Variants in UBA6 observed in about 807,000 individuals in gnomAD.
UBA6 encodes ubiquitin-like modifier-activating enzyme 6.
UBA6 carries 87 observed loss-of-function variants against 148.3 expected under a neutral mutation model. That is an observed-to-expected ratio of 0.59 (90% CI 0.49 to 0.70). The LOEUF (loss-of-function observed/expected upper bound fraction) is 0.70. Ranked by LOEUF, UBA6 falls within the 30% of genes least tolerant of loss-of-function variation. The pLI is 0.00. For synonymous variants in UBA6, 376 were observed against 401.0 expected (o/e 0.94, Z 0.75); for missense variants, 1,186 against 1,241.2 (o/e 0.96, Z 0.67).
At chr4:67,630,796 GGAGT>G (rs756244604) in intron 25 of UBA6, among the ~76,000 whole-genome samples, 11 of 152,000 alleles carry the variant, frequency 7.2e-5, no homozygotes, top group Non-Finnish European at 1.5e-4. Context: ...CTTGGGAAGA[GGAGT>G]GAGTGGACAG....
intron 8 of UBA6, 119 bp downstream of exon 8, chr4:67,670,351 A>T: frequency 1.2e-6 from 1 of 804,844 alleles, no homozygotes; most frequent in Non-Finnish European, 2.0e-6. Context: ...TCATTATCTT[A>T]AAACACTGTA....
At chr4:67,688,356 C>T (rs1169703042) in intron 2 of UBA6, among the ~76,000 whole-genome samples, 1 of 152,118 alleles carries the variant, frequency 6.6e-6, no homozygotes, top group Non-Finnish European at 1.5e-5. Flanking sequence ...GACTCACGCA[C>T]ATCTTCAGAG....
In UBA6 at chr4:67,696,141, A is replaced by G. The variant is rs559532643; in HGVS notation, c.134+504T>C. ...CAGGAAATATTTTAATGAGATTACA[A>G]TGAAGTAATATTCTCTAGATGTTAT... is the stretch of plus-strand genomic sequence containing the variant. On this transcript the variant is annotated intron_variant, in intron 2 of 32. Transcript: ENST00000322244. Among the ~76,000 whole-genome samples, 3 of 128,206 alleles carry G rather than the reference A, an allele frequency of 2.3e-5. No homozygotes were observed. The South Asian group carries it at 7.1e-4, about 30-fold the overall frequency. 84.1% of individuals were successfully genotyped at this position (128,206 alleles called of 152,430 possible).
chr4:67,696,953 A>G (rs982555628), intron 1 of UBA6, among the ~76,000 whole-genome samples: 5 of 152,110 alleles, frequency 3.3e-5, no homozygotes, highest in African/African-American at 1.2e-4. Flanking sequence ...GTGTTGTTTT[A>G]TCACTGGTAC....
At chr4:67,655,533 CAA>C (rs1313076863) in intron 13 of UBA6, among the ~76,000 whole-genome samples, 3 of 152,112 alleles carry the variant, frequency 2.0e-5, no homozygotes, top group Non-Finnish European at 2.9e-5. Flanking sequence ...GAGACACATT[CAA>C]AGCAGTGTGT....
intron 6 of UBA6, among the ~76,000 whole-genome samples, chr4:67,675,545 A>G (rs541223350): frequency 2.0e-5 from 3 of 152,312 alleles, no homozygotes; most frequent in African/African-American, 7.2e-5. Context: ...AGCCTGGCCA[A>G]CATGGTGAAG....
At chr4:67,619,513 T>C (rs1728704085) in intron 32 of UBA6, among the ~76,000 whole-genome samples, 2 of 152,092 alleles carry the variant, frequency 1.3e-5, no homozygotes, top group African/African-American at 4.8e-5. Flanking sequence ...CCATCTCTGC[T>C]AAAAATACAA....
intron 2 of UBA6, among the ~76,000 whole-genome samples, chr4:67,695,569 G>A (rs918137283): frequency 1.3e-5 from 2 of 152,010 alleles, no homozygotes; most frequent in Non-Finnish European, 2.9e-5. Flanking sequence ...TCAAAAAAAT[G>A]TATGGTCTTA....
chr4:67,664,211 A>C (rs1045227293), intron 10 of UBA6, among the ~76,000 whole-genome samples: 2 of 152,112 alleles, frequency 1.3e-5, no homozygotes, highest in Admixed American at 1.3e-4. Flanking sequence ...GCATACTTTA[A>C]AAAATTTATT....
chr4:67,683,827 C>T (rs1730497129), intron 2 of UBA6, among the ~76,000 whole-genome samples: 1 of 152,160 alleles, frequency 6.6e-6, no homozygotes, highest in African/African-American at 2.4e-5. Flanking sequence ...AATCCCAGCA[C>T]TTTGGGAGGC....
In UBA6 at chr4:67,663,908, T is replaced by A. The variant is rs756365292; in HGVS notation, c.937A>T (p.Ile313Phe). Residue 313 changes from isoleucine (I) to phenylalanine (F), a missense_variant, in exon 11 of 33, where the codon ATT becomes TTT. Ile to Phe is a conservative substitution (Grantham distance 21). Coordinates refer to ENST00000322244, the MANE Select transcript of UBA6 (RefSeq NM_018227.6). Reference protein sequence around the residue: ...ERQLKHPKCLIVDFSNPEAPL... With the variant: ...ERQLKHPKCLFVDFSNPEAPL... ...ACCTCAGGGTTGCTAAAATCCACAA[T>A]AAGGCACTTTGGATGTTTTAACTGC... 2 of 1,613,552 alleles carry A rather than the reference T, an allele frequency of 1.2e-6. No individual in the cohort carries two copies. The highest frequency in any genetic ancestry group is 1.1e-5 in the South Asian group (1 of 91,032).
rs748473251 is a variant in UBA6 at position 67,631,937 on chromosome 4, CCA to C, written c.2143-31_2143-30del. ...AAGAAAAAAAATGAATTAAAGACACCCACTACTTAATATTATCTGAGGAAAAA... is the reference window on the plus strand; with the variant it reads ...AAGAAAAAAAATGAATTAAAGACACCCTACTTAATATTATCTGAGGAAAAA... On this transcript the variant is annotated intron_variant, in intron 23 of 32. Transcript: ENST00000322244. 9.4e-6 allele frequency: 15 copies of C among 1,594,146 alleles called. No homozygotes were observed. The African/African-American group carries it at 1.9e-4, about 20-fold the overall frequency.
intron 5 of UBA6, 140 bp from the exon 6 acceptor site, chr4:67,677,862 C>T: frequency 4.0e-6 from 2 of 503,202 alleles, no homozygotes; most frequent in Non-Finnish European, 6.9e-6. Context: ...AGAAAGAAAC[C>T]AAAACTTACT....
At chr4:67,666,160 C>T (rs941328699) in intron 9 of UBA6, among the ~76,000 whole-genome samples, 1 of 152,052 alleles carries the variant, frequency 6.6e-6, no homozygotes, top group African/African-American at 2.4e-5. Flanking sequence ...CCACTGTACT[C>T]CAGCCTGGAT....
intron 26 of UBA6, 64 bp from the exon 27 acceptor site, chr4:67,629,206 C>T: frequency 9.4e-7 from 1 of 1,059,490 alleles, no homozygotes. Context: ...CTAAAAATAT[C>T]CTACAAAAGG....
intron 11 of UBA6, chr4:67,663,609 G>C (rs1729917595): frequency 2.2e-6 from 1 of 446,918 alleles, no homozygotes. Flanking sequence ...CTTTGTACAA[G>C]TTATTGAAAT....
chr4:67,651,302 C>T (rs1350665807), intron 13 of UBA6, among the ~76,000 whole-genome samples: 1 of 151,980 alleles, frequency 6.6e-6, no homozygotes, highest in Non-Finnish European at 1.5e-5. Context: ...TCCATTCTAC[C>T]CTTCCAGAAA....
intron 22 of UBA6, 124 bp downstream of exon 22, chr4:67,634,118 T>C: frequency 3.3e-6 from 2 of 610,246 alleles, no homozygotes; most frequent in South Asian, 3.2e-5. Context: ...TCCTTATGTA[T>C]CATTTCATTT....
At chr4:67,697,959 G>A (rs983642814) in intron 1 of UBA6, among the ~76,000 whole-genome samples, 1 of 152,094 alleles carries the variant, frequency 6.6e-6, no homozygotes, top group African/African-American at 2.4e-5. Flanking sequence ...TGCTTGAGAG[G>A]GCCAATGTGT....
Sources: allele counts gnomAD v4.1 joint callset (sites outside exome capture counted in the v4.1 genomes callset), GRCh38; gene constraint gnomAD v4.1.1; transcripts MANE v1.5; gene names NCBI Gene and HGNC (gene_info 2026-07-23, HGNC 2026-07-21).